USH2A: variants seen among roughly 807,000 people sequenced by gnomAD.
The protein encoded by USH2A is usherin.
A neutral mutation model predicts 538.9 loss-of-function variants in USH2A; 443 were observed. The ratio of observed to expected loss-of-function variants is 0.82; its 90% CI spans 0.76 to 0.89. The LOEUF is 0.89. USH2A is among the 40% of genes least tolerant of loss of function. USH2A has a pLI of 0.00. For synonymous variants in USH2A, 2,413 were observed against 2,273.5 expected, an observed-to-expected ratio of 1.06 and a Z score of -1.75; for missense variants, 6,633 against 6,324.8, an observed-to-expected ratio of 1.05 and a Z score of -1.65.
chr1:215,718,325 C>G (rs1029389125), intron 61 of USH2A, among the ~76,000 whole-genome samples: 1 of 152,136 alleles, frequency 6.6e-6, no homozygotes, highest in African/African-American at 2.4e-5. Context: ...TTAGAATATT[C>G]CAACAGTGGT....
intron 21 of USH2A, among the ~76,000 whole-genome samples, chr1:216,144,956 T>C (rs1380140194): frequency 6.6e-6 from 1 of 152,168 alleles, no homozygotes; most frequent in East Asian, 1.9e-4. Context: ...GGAAATGTAT[T>C]ATCCAGAGAT....
intron 20 of USH2A, among the ~76,000 whole-genome samples, 167 bp downstream of exon 20, chr1:216,190,056 G>T (rs2034683849): frequency 1.3e-5 from 2 of 151,880 alleles, no homozygotes; most frequent in African/African-American, 4.8e-5. Context: ...ACCTCTTTAA[G>T]TTACGTTTTG....
At chr1:216,047,022 C>T (rs4655443) in intron 31 of USH2A, among the ~76,000 whole-genome samples, 67,734 of 151,920 alleles carry the variant, frequency 0.45, 18,275 homozygotes, top group African/African-American at 0.75. Flanking sequence ...TGCCAGAGCT[C>T]GCATAACCAA....
chr1:216,069,996 T>C (rs901623732), intron 30 of USH2A, 105 bp downstream of exon 30: 1 of 1,321,480 alleles, frequency 7.6e-7, no homozygotes, highest in Non-Finnish European at 1.1e-6. Context: ...AAAATACATG[T>C]ATATTTAATA....
intron 14 of USH2A, among the ~76,000 whole-genome samples, chr1:216,225,894 A>T (rs373905315): frequency 1.3e-5 from 2 of 152,166 alleles, no homozygotes; most frequent in Non-Finnish European, 2.9e-5. Flanking sequence ...AGCTGGCTAC[A>T]GGCCTAGAGT....
chr1:215,851,380 C>T (rs1371717108), intron 44 of USH2A, among the ~76,000 whole-genome samples: 2 of 152,030 alleles, frequency 1.3e-5, no homozygotes, highest in African/African-American at 4.8e-5. Context: ...ACAACTGATA[C>T]CACAGAAATA....
chr1:215,661,825 A>G (rs1047883212), intron 64 of USH2A, among the ~76,000 whole-genome samples: 5 of 152,194 alleles, frequency 3.3e-5, no homozygotes, highest in African/African-American at 1.2e-4. Context: ...GTAGAATAAG[A>G]GTGGCCTTTA....
At chr1:216,142,145 C>T (rs2033615633) in intron 21 of USH2A, among the ~76,000 whole-genome samples, 1 of 152,146 alleles carries the variant, frequency 6.6e-6, no homozygotes, top group East Asian at 1.9e-4. Context: ...TAGAAGAAAC[C>T]AGAAGATATT....
rs117910221 is a variant in USH2A, at chr1:215,765,936, T to C, written c.11047+745A>G. On this transcript the variant is annotated intron_variant, in intron 56 of 71. Transcript: ENST00000307340. ...CTATTAAACAAAATAAATGCTTCAA[T>C]AAACATCCTGGTGCATGCCTCCTTG... 3.6e-3 allele frequency among the ~76,000 whole-genome samples: 543 copies of C among 152,256 alleles called. 17 individuals are homozygous for C. The highest frequency in any genetic ancestry group is 0.031 in the Admixed American group (469 of 15,288).
chr1:215,663,727 G>A (rs1657515915), intron 64 of USH2A, among the ~76,000 whole-genome samples: 2 of 152,126 alleles, frequency 1.3e-5, no homozygotes, highest in Admixed American at 1.3e-4. Flanking sequence ...CCACTCTAAG[G>A]TGGATGGGTA....
At chr1:215,965,562 C>CT in intron 36 of USH2A, 83 bp from the exon 37 acceptor site, 1 of 1,527,260 alleles carries the variant, frequency 6.5e-7, no homozygotes, top group Non-Finnish European at 9.0e-7. Flanking sequence ...CAAAGAATCT[C>CT]TTTTTGCTGT....
chr1:216,038,506 TATTCTATTTATATTGAG>T (rs2030101264), intron 32 of USH2A, among the ~76,000 whole-genome samples: 2 of 152,128 alleles, frequency 1.3e-5, no homozygotes, highest in Non-Finnish European at 2.9e-5. Flanking sequence ...TCCACTTTCT[TATTCTATTTATATTGAG>T]TACAAAATTA....
intron 22 of USH2A, among the ~76,000 whole-genome samples, chr1:216,095,315 G>C (rs1005579191): frequency 6.6e-6 from 1 of 151,934 alleles, no homozygotes; most frequent in Non-Finnish European, 1.5e-5. Flanking sequence ...TTAATCTTCT[G>C]ACCTACTAAT....
Position 215,786,723 on chromosome 1 carries a change from G to A in USH2A, c.10334C>T (p.Ser3445Leu). 1 of 1,613,968 alleles carries A rather than the reference G, an allele frequency of 6.2e-7. No individual in the cohort carries two copies. The highest frequency in any genetic ancestry group is 1.3e-5 in the African/African-American group (1 of 75,000). The change falls in exon 52 of 72, where the codon TCA (serine) becomes TTA (leucine). Residue 3445 changes from serine to leucine, a missense_variant. Ser to Leu is a moderately radical substitution (Grantham distance 145). Transcript: ENST00000307340. Reference sequence around the variant, plus strand: ...TGTATGAATGGTTTCTTCGGCAGATGAACACATTTCTTCAATTGATGCCTT... The same window carrying A: ...TGTATGAATGGTTTCTTCGGCAGATAAACACATTTCTTCAATTGATGCCTT... Reference protein sequence around the residue: ...TGKASIEEMCSSAEETIHTGS... With the variant: ...TGKASIEEMCLSAEETIHTGS...
intron 55 of USH2A, among the ~76,000 whole-genome samples, chr1:215,775,081 G>A (rs1034639309): frequency 3.3e-5 from 5 of 151,932 alleles, no homozygotes; most frequent in African/African-American, 9.7e-5. Flanking sequence ...AACCATAGAA[G>A]AAACTCCCAA....
chr1:215,860,424 A>C (rs979667062), intron 44 of USH2A, among the ~76,000 whole-genome samples: 1 of 152,064 alleles, frequency 6.6e-6, no homozygotes, highest in Non-Finnish European at 1.5e-5. Flanking sequence ...GGAAAAAAAC[A>C]AAAGAAAAAA....
At chr1:216,336,668 A>G (rs2037981237) in intron 4 of USH2A, among the ~76,000 whole-genome samples, 1 of 151,524 alleles carries the variant, frequency 6.6e-6, no homozygotes, top group Admixed American at 6.6e-5. Context: ...AAATGGAAAA[A>G]GAATACTCTT....
intron 35 of USH2A, among the ~76,000 whole-genome samples, chr1:215,977,500 T>TAAAA (rs1352355046): frequency 4.1e-5 from 5 of 120,998 alleles, no homozygotes; most frequent in African/African-American, 9.0e-5. Flanking sequence ...AAATAATTTT[T>TAAAA]TAAATTAATT....
At chr1:215,789,528 C>G (rs1192699960) in intron 51 of USH2A, among the ~76,000 whole-genome samples, 1 of 152,106 alleles carries the variant, frequency 6.6e-6, no homozygotes, top group Non-Finnish European at 1.5e-5. Flanking sequence ...CATCACCATA[C>G]AAAAACATAA....
Sources: gnomAD v4.1 joint callset for allele counts (sites outside exome capture counted in the v4.1 genomes callset) on GRCh38, gnomAD v4.1.1 for gene constraint, MANE v1.5 for transcripts, NCBI Gene and HGNC (gene_info 2026-07-23, HGNC 2026-07-21) for gene names.